Variants in CLEC12B observed in about 807,000 individuals in gnomAD.
The protein encoded by CLEC12B is macrophage antigen h.
A neutral mutation model predicts 36.1 loss-of-function variants in CLEC12B; 25 were observed. That is an observed-to-expected ratio of 0.69 (90% confidence interval 0.50 to 0.97). The LOEUF (loss-of-function observed/expected upper bound fraction) is 0.97. CLEC12B is among the 50% of genes least tolerant of loss of function. CLEC12B has a pLI of 0.00. For synonymous variants in CLEC12B, 110 were observed against 108.5 expected, an observed-to-expected ratio of 1.01 and a Z score of -0.09; for missense variants, 325 against 318.4, an observed-to-expected ratio of 1.02 and a Z score of -0.16.
chr12:10,017,243 C>G, intron 5 of CLEC12B: 1 of 985,244 alleles, frequency 1.0e-6, no homozygotes, highest in East Asian at 1.1e-4. Flanking sequence ...TGACAAAAAG[C>G]ACATGCAGAG....
chr12:10,012,164 A>G (rs1194901009), intron 1 of CLEC12B, among the ~76,000 whole-genome samples: 1 of 152,228 alleles, frequency 6.6e-6, no homozygotes, highest in Non-Finnish European at 1.5e-5. Flanking sequence ...TGAATAATAG[A>G]TAAGTTATTG....
chr12:10,009,894 T>TCC (rs200027806), upstream of CLEC12B, among the ~76,000 whole-genome samples: 4 of 151,200 alleles, frequency 2.6e-5, no homozygotes, highest in African/African-American at 7.3e-5. Context: ...TATATAGCGC[T>TCC]CCCCCCCCAT....
upstream of CLEC12B, among the ~76,000 whole-genome samples, chr12:10,006,713 G>A (rs2137257254): frequency 6.6e-6 from 1 of 152,284 alleles, no homozygotes; most frequent in South Asian, 2.1e-4. Context: ...GCCATTGGAT[G>A]TGTTTATACT....
At position 10,014,742 on chromosome 12, in the gene CLEC12B, G is replaced by A. The variant is rs750961759; in HGVS notation, c.409+1G>A. 27 of 1,609,156 alleles carry A rather than the reference G, an allele frequency of 1.7e-5. No individual in the cohort carries two copies. The South Asian group carries it at 2.9e-4, about 17-fold the overall frequency. ...CAAGAGCTAATCATTCATACTTCAG[G>A]TAATCAGACTTAGTCCTGCTGACCA... On this transcript the variant is annotated splice_donor_variant, in intron 3 of 5. Coordinates refer to ENST00000338896, the MANE Select transcript of CLEC12B (RefSeq NM_001129998.3). LOFTEE classifies it high-confidence loss of function.
upstream of CLEC12B, among the ~76,000 whole-genome samples, chr12:10,007,718 A>G (rs1865247552): frequency 6.6e-6 from 1 of 152,246 alleles, no homozygotes; most frequent in Non-Finnish European, 1.5e-5. Flanking sequence ...ACCAGTTAAT[A>G]TGATCACATT....
chr12:10,015,304 C>T lies in CLEC12B; in HGVS notation c.462C>T (p.Cys154=). Residue 154 remains cysteine (C), a synonymous_variant, in exon 4 of 6, where the codon TGC becomes TGT. Coordinates refer to ENST00000338896, the MANE Select transcript of CLEC12B (RefSeq NM_001129998.3). ...PKMWQWYQNS[C]YYFTTNEEKT... ...TGTGGCAATGGTACCAAAATAGTTG[C>T]TACTATTTTACAACAAATGAGGAGA... The T allele has an allele frequency of 6.2e-7, 1 of 1,613,286 alleles. No homozygotes were observed. Among genetic ancestry groups the T allele is most frequent in the Non-Finnish European group, 8.5e-7 (1 of 1,179,436 alleles).
chr12:10,010,435 G>C (rs1378718751), upstream of CLEC12B, among the ~76,000 whole-genome samples: 2 of 152,196 alleles, frequency 1.3e-5, no homozygotes, highest in Admixed American at 1.3e-4. Context: ...CTACCCCGAG[G>C]ATCATGGGAA....
In CLEC12B at chr12:10,015,732, G is replaced by A. The variant is rs370229418; in HGVS notation, c.680+5G>A. 3.3e-5 allele frequency: 53 copies of A among 1,613,024 alleles called. No individual in the cohort carries two copies. The highest frequency in any genetic ancestry group is 1.1e-4 in the East Asian group (5 of 44,866). ...CTCTGTTCCCTCTCCATCCTTGTAC[G>A]TCTCTAACTATTGAGGGTAAACACA... is the stretch of plus-strand genomic sequence containing the variant. On this transcript the variant is annotated splice_donor_5th_base_variant and intron_variant, in intron 5 of 5. Coordinates refer to ENST00000338896, the MANE Select transcript of CLEC12B (RefSeq NM_001129998.3).
intron 5 of CLEC12B, chr12:10,015,940 A>T: frequency 7.3e-7 from 1 of 1,365,178 alleles, no homozygotes; most frequent in Non-Finnish European, 9.4e-7. Context: ...TTTGGTAGAA[A>T]TGTGTTTATT....
chr12:10,015,590 T>C (rs1865464401), intron 4 of CLEC12B, 22 bp from the exon 5 acceptor site: 1 of 1,613,128 alleles, frequency 6.2e-7, no homozygotes, highest in African/African-American at 1.3e-5. Flanking sequence ...ACGTAAAACT[T>C]TTTCTCTGTT....
chr12:10,012,942 T>C (rs747981365), intron 2 of CLEC12B, 59 bp downstream of exon 2: 1 of 1,254,932 alleles, frequency 8.0e-7, no homozygotes, highest in South Asian at 1.2e-5. Flanking sequence ...GTAAACCATG[T>C]ACTTTCAGCT....
intron 2 of CLEC12B, 40 bp downstream of exon 2, chr12:10,012,923 A>G: frequency 1.4e-6 from 2 of 1,408,060 alleles, no homozygotes; most frequent in Non-Finnish European, 2.0e-6. Flanking sequence ...GGCAACTAGA[A>G]AACATATTGT....
upstream of CLEC12B, among the ~76,000 whole-genome samples, chr12:10,007,520 CT>C (rs1320668401): frequency 6.6e-6 from 1 of 151,846 alleles, no homozygotes; most frequent in East Asian, 1.9e-4. Context: ...TTCTGAATTT[CT>C]TTTTTTTCTT....
chr12:10,008,496 T>C (rs1865256532), upstream of CLEC12B, among the ~76,000 whole-genome samples: 1 of 152,124 alleles, frequency 6.6e-6, no homozygotes, highest in Admixed American at 6.5e-5. Context: ...AGATTTAAGA[T>C]AGTTGAAAAA....
intron 1 of CLEC12B, among the ~76,000 whole-genome samples, chr12:10,011,551 G>A (rs1256665784): frequency 6.6e-6 from 1 of 152,150 alleles, no homozygotes; most frequent in Non-Finnish European, 1.5e-5. Context: ...TGCTATGTGG[G>A]GAAGCCCAGT....
chr12:10,012,523 G>A (rs1644033778), intron 1 of CLEC12B, among the ~76,000 whole-genome samples: 1 of 152,050 alleles, frequency 6.6e-6, no homozygotes, highest in Admixed American at 6.6e-5. Flanking sequence ...TTAGCATTAG[G>A]TATATCTCCT....
At chr12:10,012,495 C>A (rs1320504474) in intron 1 of CLEC12B, among the ~76,000 whole-genome samples, 1 of 152,132 alleles carries the variant, frequency 6.6e-6, no homozygotes, top group East Asian at 1.9e-4. Context: ...TGGTGTGCTG[C>A]ACCCATTAAC....
chr12:10,016,740 A>G (rs919403002), intron 5 of CLEC12B: 1 of 175,052 alleles, frequency 5.7e-6, no homozygotes, highest in Non-Finnish European at 1.1e-5. Flanking sequence ...TGGGATATCG[A>G]TCACTTTAAA....
In CLEC12B at chr12:10,014,529, A is replaced by G. The variant is rs753323360; in HGVS notation, c.197A>G (p.Gln66Arg). 3.8e-5 allele frequency: 62 copies of G among 1,611,054 alleles called. No individual in the cohort carries two copies. The highest frequency in any genetic ancestry group is 2.2e-5 in the South Asian group (2 of 91,002). ...GLVTLGMMFL[Q>R]ISNDINSDSE... ...CTCCTGTCATGTCTTGGAGTTTTGC[A>G]GATATCTAATGACATTAACTCAGAT... Residue 66 changes from glutamine to arginine, a missense_variant, in exon 3 of 6, where the codon CAG becomes CGG. By Grantham distance (43) the Gln-to-Arg change is conservative (BLOSUM62 1). Coordinates refer to ENST00000338896, the MANE Select transcript of CLEC12B (RefSeq NM_001129998.3).
Sources: gnomAD v4.1 joint callset for allele counts (sites outside exome capture counted in the v4.1 genomes callset) on GRCh38, gnomAD v4.1.1 for gene constraint, MANE v1.5 for transcripts, NCBI Gene and HGNC (gene_info 2026-07-23, HGNC 2026-07-21) for gene names.